ADCY2: variants seen among roughly 807,000 people sequenced by gnomAD.
ADCY2 encodes adenylate cyclase 2.
A neutral mutation model predicts 125.2 loss-of-function variants in ADCY2; 31 were observed. That is an observed-to-expected ratio of 0.25 (90% confidence interval 0.19 to 0.33). The LOEUF is 0.33. Ranked by LOEUF, ADCY2 falls within the 10% of genes least tolerant of loss-of-function variation. The pLI is 1.00. For synonymous variants in ADCY2, 512 were observed against 548.4 expected (o/e 0.93, Z 0.93); for missense variants, 904 against 1,418.2 (o/e 0.64, Z 5.82).
intron 2 of ADCY2, among the ~76,000 whole-genome samples, chr5:7,421,445 T>A (rs1740199396): frequency 6.6e-6 from 1 of 152,218 alleles, no homozygotes; most frequent in African/African-American, 2.4e-5. Context: ...CGTCTTCACG[T>A]GGTAGCTCCT....
intron 14 of ADCY2, among the ~76,000 whole-genome samples, chr5:7,743,352 G>A (rs141128963): frequency 7.9e-5 from 12 of 152,028 alleles, no homozygotes; most frequent in African/African-American, 2.7e-4. Flanking sequence ...CGAGATGGGG[G>A]ATGTGGCCAA....
At chr5:7,542,944 GC>G (rs1340959859) in intron 3 of ADCY2, among the ~76,000 whole-genome samples, 1 of 152,134 alleles carries the variant, frequency 6.6e-6, no homozygotes, top group Non-Finnish European at 1.5e-5. Context: ...CAGTAACAAA[GC>G]CATGTTTCTT....
chr5:7,407,330 C>T (rs1053043109), intron 1 of ADCY2, among the ~76,000 whole-genome samples: 5 of 152,126 alleles, frequency 3.3e-5, no homozygotes, highest in East Asian at 1.9e-4. Context: ...CTATAAAGAA[C>T]GACCTGAGAC....
In ADCY2 at chr5:7,829,274, C is replaced by T. The variant is rs1411950575; in HGVS notation, c.*2403C>T. 6.5e-6 allele frequency: 1 copy of T among 152,686 alleles called. No individual in the cohort carries two copies. Among genetic ancestry groups the T allele is most frequent in the Non-Finnish European group, 1.5e-5 (1 of 68,084 alleles). 9.5% of individuals were successfully genotyped at this position (152,686 alleles called of 1,614,324 possible). A position where few individuals can be genotyped will look rare whatever the true frequency, so the allele number is the denominator to read the frequency against. On this transcript the variant is annotated 3_prime_UTR_variant, in exon 25 of 25. Coordinates refer to ENST00000338316, the MANE Select transcript of ADCY2 (RefSeq NM_020546.3). Reference sequence around the variant, plus strand: ...TCTCCAGGTGATTCTGATCCCTGATCAAGCTTCAGACCTCCCTCCCTCCCC... The same window carrying T: ...TCTCCAGGTGATTCTGATCCCTGATTAAGCTTCAGACCTCCCTCCCTCCCC...
intron 3 of ADCY2, among the ~76,000 whole-genome samples, chr5:7,563,487 C>T (rs1470688184): frequency 2.0e-5 from 3 of 151,342 alleles, no homozygotes; most frequent in Non-Finnish European, 2.9e-5. Context: ...TCACTTGCTT[C>T]ATTCTTAAGA....
At chr5:7,476,973 A>T (rs896837536) in intron 2 of ADCY2, among the ~76,000 whole-genome samples, 1 of 152,188 alleles carries the variant, frequency 6.6e-6, no homozygotes, top group Non-Finnish European at 1.5e-5. Flanking sequence ...TTTCTTTGAC[A>T]CCTAGAATAT....
chr5:7,476,709 A>T (rs892149519), intron 2 of ADCY2, among the ~76,000 whole-genome samples: 1 of 152,180 alleles, frequency 6.6e-6, no homozygotes, highest in Non-Finnish European at 1.5e-5. Flanking sequence ...CTACACAAGG[A>T]TGGACAAGAT....
chr5:7,677,961 G>A (rs943965572), intron 4 of ADCY2, among the ~76,000 whole-genome samples: 2 of 152,126 alleles, frequency 1.3e-5, no homozygotes, highest in Non-Finnish European at 2.9e-5. Flanking sequence ...ACCAGACTCA[G>A]CTTTATACAT....
chr5:7,564,208 G>A (rs1735816123), intron 3 of ADCY2, among the ~76,000 whole-genome samples: 1 of 152,118 alleles, frequency 6.6e-6, no homozygotes, highest in Non-Finnish European at 1.5e-5. Context: ...TTATCTGTTG[G>A]TCTAGTGCTA....
At position 7,748,527 on chromosome 5, in the gene ADCY2, C is replaced by CACACACACACACACACAG. The variant is rs1553984349; in HGVS notation, c.1956+4792_1956+4793insGACACACACACACACACA. Among the ~76,000 whole-genome samples the CACACACACACACACACAG allele has an allele frequency of 1.5e-3, 87 of 56,136 alleles. 1 individual carries two copies. Among genetic ancestry groups the CACACACACACACACACAG allele is most frequent in the African/African-American group, 3.0e-3 (76 of 25,030 alleles). 36.8% of individuals were successfully genotyped at this position (56,136 alleles called of 152,430 possible). ...ATTTCCCCCCACCCTCCAACACACA[C>CACACACACACACACACAG]ACACACACACACACACACACACACA... On this transcript the variant is annotated intron_variant, in intron 15 of 24. Transcript: ENST00000338316.
chr5:7,462,392 C>T (rs992882565), intron 2 of ADCY2, among the ~76,000 whole-genome samples: 23 of 152,170 alleles, frequency 1.5e-4, no homozygotes, highest in Non-Finnish European at 3.2e-4. Flanking sequence ...CTAGGTCAGT[C>T]GCCAAGTTTT....
chr5:7,399,941 T>G (rs1350792596), intron 1 of ADCY2, among the ~76,000 whole-genome samples: 1 of 152,204 alleles, frequency 6.6e-6, no homozygotes, highest in Non-Finnish European at 1.5e-5. Flanking sequence ...TTTTTCTTTT[T>G]CTCATTTTTT....
At chr5:7,553,134 G>A (rs1735390211) in intron 3 of ADCY2, among the ~76,000 whole-genome samples, 1 of 152,298 alleles carries the variant, frequency 6.6e-6, no homozygotes, top group Non-Finnish European at 1.5e-5. Flanking sequence ...AGAGAAGATG[G>A]CCACAGAACC....
At chr5:7,494,036 C>T (rs1743260483) in intron 2 of ADCY2, among the ~76,000 whole-genome samples, 1 of 152,100 alleles carries the variant, frequency 6.6e-6, no homozygotes, top group South Asian at 2.1e-4. Flanking sequence ...CTGCTCTGTG[C>T]AATGTAGGCT....
chr5:7,656,371 C>T (rs1451737730), intron 4 of ADCY2, among the ~76,000 whole-genome samples: 3 of 152,196 alleles, frequency 2.0e-5, no homozygotes, highest in Non-Finnish European at 4.4e-5. Flanking sequence ...AGTGCTAAAA[C>T]ACTTCCTTAG....
At chr5:7,643,536 G>A (rs1461562407) in intron 4 of ADCY2, among the ~76,000 whole-genome samples, 2 of 151,340 alleles carry the variant, frequency 1.3e-5, no homozygotes, top group Non-Finnish European at 2.9e-5. Context: ...TACAGGAAAG[G>A]CTCATCATTT....
At chr5:7,598,546 A>G (rs1325417563) in intron 3 of ADCY2, among the ~76,000 whole-genome samples, 1 of 152,194 alleles carries the variant, frequency 6.6e-6, no homozygotes, top group Non-Finnish European at 1.5e-5. Flanking sequence ...TTGTATTCTA[A>G]ACACACATCC....
intron 2 of ADCY2, among the ~76,000 whole-genome samples, chr5:7,442,966 T>C (rs1741069714): frequency 6.6e-6 from 1 of 152,214 alleles, no homozygotes. Flanking sequence ...GCCATTATTT[T>C]TGATGCTCAA....
chr5:7,403,607 C>A (rs1739348343), intron 1 of ADCY2, among the ~76,000 whole-genome samples: 1 of 152,198 alleles, frequency 6.6e-6, no homozygotes, highest in South Asian at 2.1e-4. Context: ...AAATTTCTTT[C>A]TATATGCTCA....
Sources: allele counts gnomAD v4.1 joint callset (sites outside exome capture counted in the v4.1 genomes callset), GRCh38; gene constraint gnomAD v4.1.1; transcripts MANE v1.5; gene names NCBI Gene and HGNC (gene_info 2026-07-23, HGNC 2026-07-21).